MAP2: variants seen among roughly 807,000 people sequenced by gnomAD.
MAP2 encodes the protein microtubule-associated protein 2.
A neutral mutation model predicts 137.6 loss-of-function variants in MAP2; 14 were observed. The observed-to-expected ratio is 0.10, with a 90% confidence interval of 0.07 to 0.16. The LOEUF is 0.16. Among genes scored for constraint, MAP2 ranks in the 10% least tolerant of loss-of-function variants. The pLI, the probability that MAP2 is intolerant of heterozygous loss-of-function variation, is 1.00. For synonymous variants in MAP2, 786 were observed against 782.3 expected, an observed-to-expected ratio of 1.00 and a Z score of -0.08; for missense variants, 2,088 against 2,191.5, an observed-to-expected ratio of 0.95 and a Z score of 0.94.
rs188327741 is a variant in MAP2, at chr2:209,669,215, G to A, written c.263-9357G>A. ...CTGCTATTTGCGAATTCTTAGAAACGTTATAGGACGGGAAGGAGGTTTAAG... is the reference window on the plus strand; with the variant it reads ...CTGCTATTTGCGAATTCTTAGAAACATTATAGGACGGGAAGGAGGTTTAAG... On this transcript the variant is annotated intron_variant, in intron 5 of 15. Coordinates refer to ENST00000682079, the MANE Select transcript of MAP2 (RefSeq NM_001375505.1). Among the ~76,000 whole-genome samples, 25 of 152,190 alleles carry A rather than the reference G, an allele frequency of 1.6e-4. No individual in the cohort carries two copies. The East Asian group carries it at 4.2e-3, about 26-fold the overall frequency.
At chr2:209,684,216 C>G (rs2056086891) in intron 7 of MAP2, among the ~76,000 whole-genome samples, 1 of 152,190 alleles carries the variant, frequency 6.6e-6, no homozygotes, top group Non-Finnish European at 1.5e-5. Context: ...ATAATCTGAA[C>G]ACAGAACCAG....
intron 3 of MAP2, among the ~76,000 whole-genome samples, chr2:209,592,356 C>CT (rs1346570432): frequency 6.6e-6 from 1 of 152,130 alleles, no homozygotes; most frequent in Non-Finnish European, 1.5e-5. Context: ...CAAGTCATGA[C>CT]TTACTTACCC....
chr2:209,706,646 T>C (rs3886931), intron 12 of MAP2, among the ~76,000 whole-genome samples: 18,078 of 151,956 alleles, frequency 0.12, 1,381 homozygotes, highest in East Asian at 0.22. Flanking sequence ...TCTACATTTA[T>C]TGGGAGGAAA....
chr2:209,464,345 G>A (rs1323001428), intron 1 of MAP2, among the ~76,000 whole-genome samples: 1 of 151,952 alleles, frequency 6.6e-6, no homozygotes, highest in Non-Finnish European at 1.5e-5. Flanking sequence ...TCCAACTCTT[G>A]AATTAGTTTG....
At chr2:209,596,204 T>C (rs747109348) in intron 3 of MAP2, among the ~76,000 whole-genome samples, 1 of 152,122 alleles carries the variant, frequency 6.6e-6, no homozygotes, top group Non-Finnish European at 1.5e-5. Context: ...AAGCTAAGGA[T>C]CACAGTGGCC....
chr2:209,507,855 G>A (rs2061260055), intron 2 of MAP2, among the ~76,000 whole-genome samples: 1 of 151,908 alleles, frequency 6.6e-6, no homozygotes, highest in African/African-American at 2.4e-5. Flanking sequence ...GTTTTTGAAT[G>A]TTGAATTTAT....
intron 13 of MAP2, among the ~76,000 whole-genome samples, chr2:209,723,202 C>G (rs2072084472): frequency 6.6e-6 from 1 of 152,166 alleles, no homozygotes; most frequent in Non-Finnish European, 1.5e-5. Context: ...GGCATATCCT[C>G]TAGGGTCCTG....
At position 209,730,256 on chromosome 2, in the gene MAP2, G is replaced by T; in HGVS notation, c.5343G>T (p.Gln1781His). 1 of 1,614,046 alleles carries T rather than the reference G, an allele frequency of 6.2e-7. No individual in the cohort carries two copies. The highest frequency in any genetic ancestry group is 8.5e-7 in the Non-Finnish European group (1 of 1,179,992). ...RVDHGAEIIT[Q>H]SPGRSSVASP... ...ACCATGGGGCTGAGATCATTACACA[G>T]TCCCCAGGCAGATCCAGCGTGGCAT... The change falls in exon 16 of 16, where the codon CAG becomes CAT. Residue 1781 changes from glutamine to histidine, a missense_variant. By Grantham distance (24) the Gln-to-His change is conservative. Transcript: ENST00000682079.
chr2:209,461,443 A>C (rs1263914944), intron 1 of MAP2, among the ~76,000 whole-genome samples: 1 of 152,082 alleles, frequency 6.6e-6, no homozygotes, highest in East Asian at 1.9e-4. Flanking sequence ...CCTGTTTAAA[A>C]TTCGTAGTTT....
intron 2 of MAP2, among the ~76,000 whole-genome samples, chr2:209,577,830 C>T (rs2075596636): frequency 6.6e-6 from 1 of 152,162 alleles, no homozygotes; most frequent in Admixed American, 6.5e-5. Flanking sequence ...AAAGGGCAAT[C>T]ATGCTTGATT....
chr2:209,683,768 A>G (rs2055830354), intron 7 of MAP2, among the ~76,000 whole-genome samples: 1 of 152,202 alleles, frequency 6.6e-6, no homozygotes, highest in Non-Finnish European at 1.5e-5. Flanking sequence ...ATCTGAGGGT[A>G]TAGTGACTGC....
intron 1 of MAP2, among the ~76,000 whole-genome samples, chr2:209,480,074 A>G (rs780484845): frequency 3.3e-5 from 5 of 152,140 alleles, no homozygotes; most frequent in Non-Finnish European, 7.4e-5. Flanking sequence ...CTAATAATGT[A>G]CATACTCAAA....
At chr2:209,564,772 A>T (rs1019423646) in intron 2 of MAP2, among the ~76,000 whole-genome samples, 1 of 152,074 alleles carries the variant, frequency 6.6e-6, no homozygotes, top group African/African-American at 2.4e-5. Context: ...CAGATCATGC[A>T]AATCTTTTTT....
At chr2:209,484,688 A>C (rs113246257) in intron 1 of MAP2, among the ~76,000 whole-genome samples, 6 of 152,250 alleles carry the variant, frequency 3.9e-5, no homozygotes, top group African/African-American at 1.4e-4. Flanking sequence ...AGATTCCATC[A>C]CAAACAAACA....
intron 2 of MAP2, among the ~76,000 whole-genome samples, chr2:209,555,911 G>C (rs1169491327): frequency 2.6e-5 from 4 of 151,974 alleles, no homozygotes; most frequent in African/African-American, 9.7e-5. Context: ...CATCCAGAAA[G>C]ACAGCCTAGT....
At chr2:209,527,078 T>C (rs1322106023) in intron 2 of MAP2, among the ~76,000 whole-genome samples, 1 of 152,144 alleles carries the variant, frequency 6.6e-6, no homozygotes, top group Non-Finnish European at 1.5e-5. Flanking sequence ...ATACTAATCC[T>C]GGCATCTGGG....
At chr2:209,713,127 G>A (rs537075344) in intron 13 of MAP2, among the ~76,000 whole-genome samples, 1 of 151,178 alleles carries the variant, frequency 6.6e-6, no homozygotes, top group African/African-American at 2.5e-5. Context: ...AGGGTCTATT[G>A]TGGTAAAATT....
chr2:209,508,681 T>C (rs947912206), intron 2 of MAP2, among the ~76,000 whole-genome samples: 7 of 151,722 alleles, frequency 4.6e-5, no homozygotes, highest in Admixed American at 3.3e-4. Context: ...GAAATCTGTA[T>C]CGAATGAAGC....
At chr2:209,648,621 C>CAAAAAA (rs1228232293) in intron 4 of MAP2, among the ~76,000 whole-genome samples, 6 of 51,032 alleles carry the variant, frequency 1.2e-4, no homozygotes, top group African/African-American at 1.7e-4. Context: ...ACTAAAAATA[C>CAAAAAA]AAAAAAAAAA....
Sources: allele counts gnomAD v4.1 joint callset (sites outside exome capture counted in the v4.1 genomes callset), GRCh38; gene constraint gnomAD v4.1.1; transcripts MANE v1.5; gene names NCBI Gene and HGNC (gene_info 2026-07-23, HGNC 2026-07-21).